KLHL32: variants seen among roughly 807,000 people sequenced by gnomAD.
KLHL32 encodes kelch-like protein 32.
In KLHL32, 35 loss-of-function variants were observed where a neutral mutation model predicts 64.8. That is an observed-to-expected ratio of 0.54 (90% CI 0.41 to 0.72). The LOEUF is 0.72. Among genes scored for constraint, KLHL32 ranks in the 30% least tolerant of loss-of-function variants. The pLI, the probability that KLHL32 is intolerant of heterozygous loss-of-function variation, is 0.00. For synonymous variants in KLHL32, 259 were observed against 281.0 expected (o/e 0.92, Z 0.78); for missense variants, 589 against 768.5 (o/e 0.77, Z 2.76).
At chr6:96,970,620 C>G (rs1052998951) in intron 2 of KLHL32, among the ~76,000 whole-genome samples, 1 of 152,136 alleles carries the variant, frequency 6.6e-6, no homozygotes, top group Non-Finnish European at 1.5e-5. Flanking sequence ...CCCCAGTACC[C>G]AGCACAACAC....
At chr6:96,943,187 C>T (rs1771536909) in intron 1 of KLHL32, among the ~76,000 whole-genome samples, 1 of 152,032 alleles carries the variant, frequency 6.6e-6, no homozygotes, top group South Asian at 2.1e-4. Flanking sequence ...TATACATACA[C>T]ACATACATTC....
the KLHL32 span, among the ~76,000 whole-genome samples, chr6:96,915,759 C>T: frequency 6.6e-6 from 1 of 151,854 alleles, no homozygotes; most frequent in Non-Finnish European, 1.5e-5. Context: ...CCATGTTTAC[C>T]TATGAAAAAG....
intron 2 of KLHL32, among the ~76,000 whole-genome samples, chr6:96,967,839 G>T (rs1162821860): frequency 2.0e-5 from 3 of 152,186 alleles, no homozygotes; most frequent in South Asian, 4.1e-4. Context: ...GTATACCTGA[G>T]ATTTGAAGGG....
Position 96,979,575 on chromosome 6 carries a change from T to A in KLHL32, c.204+3398T>A, listed in dbSNP as rs529189512. ...ATAGTTTGAACTTGGGTAATGTGAC[T>A]TCAAACTATACTACAAACAATACTA... On this transcript the variant is annotated intron_variant, in intron 3 of 10. Coordinates refer to ENST00000369261, the MANE Select transcript of KLHL32 (RefSeq NM_052904.4). Among the ~76,000 whole-genome samples, 10 of 152,086 alleles carry A rather than the reference T, an allele frequency of 6.6e-5. No homozygotes were observed. In the South Asian group the frequency reaches 1.9e-3, roughly 28 times the overall value.
intron 3 of KLHL32, among the ~76,000 whole-genome samples, chr6:97,000,095 A>G (rs138961852): frequency 6.4e-4 from 97 of 152,340 alleles, no homozygotes; most frequent in East Asian, 4.4e-3. Context: ...AAAGATAAAA[A>G]CATAAGCAAA....
intron 1 of KLHL32, among the ~76,000 whole-genome samples, chr6:96,953,578 C>T (rs985960532): frequency 1.3e-5 from 2 of 151,538 alleles, no homozygotes; most frequent in African/African-American, 2.4e-5. Flanking sequence ...TGCAGTGAGC[C>T]GAGATTGTAC....
At chr6:97,107,970 A>C (rs990549617) in intron 6 of KLHL32, among the ~76,000 whole-genome samples, 2 of 152,206 alleles carry the variant, frequency 1.3e-5, no homozygotes, top group Admixed American at 1.3e-4. Context: ...GCTGTAGCTA[A>C]TGTTCCTTTT....
chr6:96,997,459 T>G (rs1778533007), intron 3 of KLHL32, among the ~76,000 whole-genome samples: 1 of 152,116 alleles, frequency 6.6e-6, no homozygotes, highest in South Asian at 2.1e-4. Context: ...TATAAAGACT[T>G]GAAGGTGGCC....
chr6:96,984,062 A>G (rs1031236912), intron 3 of KLHL32, among the ~76,000 whole-genome samples: 1 of 152,214 alleles, frequency 6.6e-6, no homozygotes, highest in Non-Finnish European at 1.5e-5. Flanking sequence ...TGCGTCCCAG[A>G]GATCCTGATA....
intron 6 of KLHL32, among the ~76,000 whole-genome samples, chr6:97,097,434 G>A (rs1012694343): frequency 5.3e-5 from 8 of 152,154 alleles, no homozygotes; most frequent in Non-Finnish European, 1.2e-4. Context: ...TTTAATGGGC[G>A]CTTGCTGGCT....
At chr6:96,906,665 G>A in the KLHL32 span, among the ~76,000 whole-genome samples, 1 of 152,208 alleles carries the variant, frequency 6.6e-6, no homozygotes, top group African/African-American at 2.4e-5. Context: ...TAGTGGCACT[G>A]CTTAGATATG....
chr6:97,041,442 C>G, intron 3 of KLHL32, 50 bp from the exon 4 acceptor site: 1 of 1,245,498 alleles, frequency 8.0e-7, no homozygotes, highest in Non-Finnish European at 1.2e-6. Flanking sequence ...TTGTCTTGCT[C>G]CCTTGCTGTC....
chr6:96,899,724 C>T, the KLHL32 span, among the ~76,000 whole-genome samples: 1 of 152,136 alleles, frequency 6.6e-6, no homozygotes, highest in East Asian at 1.9e-4. Context: ...AAAACCTGAA[C>T]CATAAATGCA....
At chr6:96,935,497 AG>A (rs958074443) in intron 1 of KLHL32, among the ~76,000 whole-genome samples, 1 of 152,114 alleles carries the variant, frequency 6.6e-6, no homozygotes, top group Admixed American at 6.5e-5. Flanking sequence ...GGAAAAGAGG[AG>A]GGGTCTGGGA....
chr6:97,123,402 T>G (rs1427402317), intron 7 of KLHL32, among the ~76,000 whole-genome samples: 1 of 152,192 alleles, frequency 6.6e-6, no homozygotes, highest in Non-Finnish European at 1.5e-5. Flanking sequence ...TCTCCTGTCT[T>G]GATGATAGAA....
intron 3 of KLHL32, among the ~76,000 whole-genome samples, chr6:97,040,080 TA>T (rs537360966): frequency 3.1e-4 from 47 of 149,338 alleles, no homozygotes; most frequent in African/African-American, 5.9e-4. Context: ...TTGGCAAAAG[TA>T]AAAAAAAAAT....
At chr6:96,916,889 A>G in the KLHL32 span, among the ~76,000 whole-genome samples, 6 of 152,124 alleles carry the variant, frequency 3.9e-5, no homozygotes, top group African/African-American at 1.4e-4. Context: ...CTGTTTTTCC[A>G]TCTAAAAATT....
chr6:96,930,036 A>G (rs147609407), intron 1 of KLHL32, among the ~76,000 whole-genome samples: 2 of 152,348 alleles, frequency 1.3e-5, no homozygotes, highest in Non-Finnish European at 2.9e-5. Context: ...CAGATAAGCC[A>G]GTACCAGTTA....
At position 97,139,302 on chromosome 6, in the gene KLHL32, C is replaced by T. The variant is rs764041034; in HGVS notation, c.*20C>T. 1.7e-5 allele frequency: 27 copies of T among 1,604,680 alleles called. No homozygotes were observed. Among genetic ancestry groups the T allele is most frequent in the Non-Finnish European group, 2.3e-5 (27 of 1,173,616 alleles). ...ATCTGAAAAGCCAAGCCATCATGAA[C>T]AGGAGGAAAACATAGCTCTGACTGT... On this transcript the variant is annotated 3_prime_UTR_variant, in exon 11 of 11. Transcript: ENST00000369261.
Sources: gnomAD v4.1 joint callset for allele counts (sites outside exome capture counted in the v4.1 genomes callset) on GRCh38, gnomAD v4.1.1 for gene constraint, MANE v1.5 for transcripts, NCBI Gene and HGNC (gene_info 2026-07-23, HGNC 2026-07-21) for gene names.